The following TMPRSS15 variants were observed in gnomAD, a reference collection of about 807,000 sequenced individuals.
TMPRSS15 encodes the protein transmembrane serine protease 15.
TMPRSS15 carries 128 observed loss-of-function variants against 125.3 expected under a neutral mutation model. That is an observed-to-expected ratio of 1.02 (90% CI 0.89 to 1.18). The LOEUF is 1.18. Among genes scored for constraint, TMPRSS15 ranks in the 50% most tolerant of loss-of-function variants. The pLI, the probability that TMPRSS15 is intolerant of heterozygous loss-of-function variation, is 0.00. For synonymous variants in TMPRSS15, 446 were observed against 423.2 expected (o/e 1.05, Z -0.66); for missense variants, 1,283 against 1,212.7 (o/e 1.06, Z -0.86).
Position 18,269,189 on chromosome 21 carries a change from A to ATAT in TMPRSS15, c.*777_*779dup, listed in dbSNP as rs1212338427. 9.2e-5 allele frequency: 14 copies of ATAT among 152,304 alleles called. No homozygotes were observed. The highest frequency in any genetic ancestry group is 3.1e-4 in the African/African-American group (13 of 41,562). The allele number at this position is 152,304 out of a possible 1,614,324, so 9.4% of individuals were successfully genotyped here. ...CAGCTGTGTCTAAATAAGTTTTCAT[A>ATAT]TATTAGAAATATCCACTGTAACACA... On this transcript the variant is annotated 3_prime_UTR_variant, in exon 25 of 25. Coordinates refer to ENST00000284885, the MANE Select transcript of TMPRSS15 (RefSeq NM_002772.3).
At position 18,353,795 on chromosome 21, in the gene TMPRSS15, T is replaced by A. The variant is rs754301085; in HGVS notation, c.949A>T (p.Ile317Leu). Residue 317 changes from isoleucine to leucine, a missense_variant, in exon 9 of 25, where the codon ATA becomes TTA. Physicochemically the swap from Ile to Leu is conservative, Grantham distance 5. Transcript: ENST00000284885. The stretch of plus-strand genomic sequence containing the variant: ...ACATAATCACTTTCATCAGATTCTA[T>A]AAGAAAGGTGGCAGTAACTTGGTTG... ...FSNQVTATFL[I>L]ESDESDYVGF... The A allele has an allele frequency of 1.2e-6, 2 of 1,611,910 alleles. No homozygotes were observed. The highest frequency in any genetic ancestry group is 1.7e-6 in the Non-Finnish European group (2 of 1,178,494).
At position 18,341,568 on chromosome 21, in the gene TMPRSS15, A is replaced by G. The variant is rs1469345046; in HGVS notation, c.1429-20T>C. 1.9e-6 allele frequency: 3 copies of G among 1,613,760 alleles called. No homozygotes were observed. In the South Asian group the frequency reaches 3.3e-5, roughly 18 times the overall value. ...AGCAACCTGCAATTCAGAGAGGCATATGAAACGATTTGATTCCATTCTAAT... is the reference window on the plus strand; with the variant it reads ...AGCAACCTGCAATTCAGAGAGGCATGTGAAACGATTTGATTCCATTCTAAT... On this transcript the variant is annotated intron_variant, in intron 12 of 24. Coordinates refer to ENST00000284885, the MANE Select transcript of TMPRSS15 (RefSeq NM_002772.3).
chr21:18,440,140 C>G (rs1160034342), intron 1 of TMPRSS15, among the ~76,000 whole-genome samples: 1 of 151,582 alleles, frequency 6.6e-6, no homozygotes, highest in African/African-American at 2.4e-5. Context: ...TTTGGGAGGC[C>G]GAGACGGGCG....
chr21:18,385,802 G>A (rs1030023331), intron 3 of TMPRSS15, among the ~76,000 whole-genome samples: 4 of 151,958 alleles, frequency 2.6e-5, no homozygotes, highest in South Asian at 2.1e-4. Context: ...GGAGTGCAGC[G>A]GCACGATCTC....
At chr21:18,304,445 T>A (rs1051313072) in intron 18 of TMPRSS15, among the ~76,000 whole-genome samples, 1 of 152,168 alleles carries the variant, frequency 6.6e-6, no homozygotes, top group African/African-American at 2.4e-5. Flanking sequence ...GACCTCTGGG[T>A]CTCACTCCAG....
At chr21:18,307,767 A>G (rs1232247198) in intron 18 of TMPRSS15, among the ~76,000 whole-genome samples, 1 of 152,178 alleles carries the variant, frequency 6.6e-6, no homozygotes, top group Non-Finnish European at 1.5e-5. Flanking sequence ...TTTTGCTATC[A>G]GCCAACTAAC....
intron 1 of TMPRSS15, among the ~76,000 whole-genome samples, chr21:18,442,113 A>ATAAC (rs1366879387): frequency 6.6e-6 from 1 of 152,184 alleles, no homozygotes; most frequent in Non-Finnish European, 1.5e-5. Flanking sequence ...TGTGTTGTTA[A>ATAAC]AATTCCTATC....
intron 8 of TMPRSS15, among the ~76,000 whole-genome samples, chr21:18,354,237 T>G (rs1248169045): frequency 2.0e-5 from 3 of 151,824 alleles, no homozygotes; most frequent in Non-Finnish European, 2.9e-5. Flanking sequence ...TTATCAGGTA[T>G]TTACTGTGTC....
chr21:18,273,429 TATTA>T (rs557464292), intron 24 of TMPRSS15, among the ~76,000 whole-genome samples: 62 of 152,364 alleles, frequency 4.1e-4, no homozygotes, highest in African/African-American at 1.4e-3. Context: ...CAGTCTAGTG[TATTA>T]ATTACTCAAT....
At position 18,464,527 on chromosome 21, in the gene TMPRSS15, A is replaced by C. The variant is rs188613063; in HGVS notation, c.10+21272T>G. ...AGATAGACTGCTAGTCAGATTAATA[A>C]AGAAGAGAGAGAAGAATCAAATAAA... is the stretch of plus-strand genomic sequence containing the variant. On this transcript the variant is annotated intron_variant, in intron 1 of 7. Coordinates refer to the TMPRSS15 transcript ENST00000422787. Among the ~76,000 whole-genome samples, 486 of 152,280 alleles carry C rather than the reference A, an allele frequency of 3.2e-3. 2 individuals carry two copies. The highest frequency in any genetic ancestry group is 0.011 in the African/African-American group (465 of 41,552).
chr21:18,310,473 A>C (rs554824934), intron 18 of TMPRSS15, among the ~76,000 whole-genome samples: 214 of 152,226 alleles, frequency 1.4e-3, no homozygotes, highest in African/African-American at 5.1e-3. Flanking sequence ...CACAAAAAAA[A>C]ACAAACACCT....
chr21:18,390,665 A>G (rs979025382), intron 3 of TMPRSS15, among the ~76,000 whole-genome samples: 1 of 152,126 alleles, frequency 6.6e-6, no homozygotes, highest in Non-Finnish European at 1.5e-5. Flanking sequence ...CCTAAACCAG[A>G]CTAGAGTGTC....
intron 18 of TMPRSS15, among the ~76,000 whole-genome samples, chr21:18,310,996 C>T (rs577281309): frequency 8.8e-5 from 13 of 147,604 alleles, no homozygotes; most frequent in South Asian, 8.5e-4. Flanking sequence ...GAAGAACAAT[C>T]GCTTCAGTAG....
chr21:18,342,258 T>C (rs147010736), intron 12 of TMPRSS15, among the ~76,000 whole-genome samples: 1 of 152,376 alleles, frequency 6.6e-6, no homozygotes, highest in African/African-American at 2.4e-5. Context: ...GTCTGCTATA[T>C]GCTATTTGCT....
chr21:18,454,092 A>G (rs956756344), intron 1 of TMPRSS15, among the ~76,000 whole-genome samples: 3 of 152,184 alleles, frequency 2.0e-5, no homozygotes, highest in Non-Finnish European at 4.4e-5. Context: ...GAAAATTTAA[A>G]CTTTAATTTT....
intron 6 of TMPRSS15, among the ~76,000 whole-genome samples, chr21:18,365,570 CTCTT>C (rs1224495423): frequency 1.9e-4 from 16 of 83,440 alleles, no homozygotes; most frequent in South Asian, 4.5e-4. Context: ...TTCTTTCTCT[CTCTT>C]TCTCTCTTTT....
chr21:18,447,575 T>C (rs1374025432), intron 1 of TMPRSS15, among the ~76,000 whole-genome samples: 1 of 152,012 alleles, frequency 6.6e-6, no homozygotes, highest in Non-Finnish European at 1.5e-5. Context: ...TCCCCACATG[T>C]TTGGGAGGGA....
chr21:18,294,337 G>C lies in TMPRSS15; in HGVS notation c.2419C>G (p.Arg807Gly). ...PWVVGLYYGG[R>G]LLCGASLVSS... ...ACGAGAGATGCGCCGCAGAGCAGTC[G>C]GCCGCCATAATACAGACCCACAACC... is the stretch of plus-strand genomic sequence containing the variant. The change falls in exon 21 of 25, where the codon CGA becomes GGA. Residue 807 changes from arginine (R) to glycine (G), a missense_variant. Transcript: ENST00000284885. 6.2e-7 allele frequency: 1 copy of C among 1,614,208 alleles called. No individual in the cohort carries two copies. Among genetic ancestry groups the C allele is most frequent in the Non-Finnish European group, 8.5e-7 (1 of 1,180,040 alleles).
chr21:18,395,532 T>C (rs778312976), intron 3 of TMPRSS15, among the ~76,000 whole-genome samples: 8 of 152,206 alleles, frequency 5.3e-5, no homozygotes, highest in Non-Finnish European at 1.2e-4. Flanking sequence ...TAGTACTGAG[T>C]ATTTAGTTTG....
Sources: gnomAD v4.1 joint callset for allele counts (sites outside exome capture counted in the v4.1 genomes callset) on GRCh38, gnomAD v4.1.1 for gene constraint, MANE v1.5 for transcripts, NCBI Gene and HGNC (gene_info 2026-07-23, HGNC 2026-07-21) for gene names.